The following VAV3 variants were observed in gnomAD, a reference collection of about 807,000 sequenced individuals.
VAV3 encodes vav guanine nucleotide exchange factor 3.
VAV3 carries 94 observed loss-of-function variants against 131.2 expected under a neutral mutation model. That is an observed-to-expected ratio of 0.72 (90% CI 0.61 to 0.85). The LOEUF is 0.85. Among genes scored for constraint, VAV3 ranks in the 40% least tolerant of loss-of-function variants. The probability of loss-of-function intolerance (pLI) is 0.00; values close to 1 mark genes in which losing one functional copy is unlikely to be tolerated. For synonymous variants in VAV3, 349 were observed against 342.0 expected (o/e 1.02, Z -0.22); for missense variants, 939 against 1,002.7 (o/e 0.94, Z 0.86).
At chr1:107,827,697 G>A (rs943394719) in intron 2 of VAV3, among the ~76,000 whole-genome samples, 14 of 152,080 alleles carry the variant, frequency 9.2e-5, no homozygotes, top group Admixed American at 3.3e-4. Context: ...TGAAGTTCCT[G>A]GATTAGGTTT....
At chr1:107,666,998 C>G (rs1657456548) in intron 19 of VAV3, among the ~76,000 whole-genome samples, 1 of 152,142 alleles carries the variant, frequency 6.6e-6, no homozygotes, top group South Asian at 2.1e-4. Context: ...CATGTAAGAG[C>G]CAGCAGCTTG....
At chr1:107,600,925 C>T (rs530835462) in intron 24 of VAV3, among the ~76,000 whole-genome samples, 1 of 152,334 alleles carries the variant, frequency 6.6e-6, no homozygotes, top group African/African-American at 2.4e-5. Context: ...TTTGGCTCTG[C>T]AGCAGTTTTT....
intron 24 of VAV3, among the ~76,000 whole-genome samples, chr1:107,599,635 A>C (rs1199591764): frequency 1.3e-5 from 2 of 152,080 alleles, no homozygotes; most frequent in Non-Finnish European, 2.9e-5. Flanking sequence ...AGAAAGACAA[A>C]GATTCTGATT....
At chr1:107,621,975 T>A (rs1653642113) in intron 20 of VAV3, among the ~76,000 whole-genome samples, 1 of 152,152 alleles carries the variant, frequency 6.6e-6, no homozygotes, top group Admixed American at 6.6e-5. Context: ...TGAGAAAATA[T>A]CTTATGGGTA....
Position 107,583,297 on chromosome 1 carries a change from A to T in VAV3, c.2351-9099T>A, listed in dbSNP as rs562630244. Among the ~76,000 whole-genome samples the T allele has an allele frequency of 3.9e-5, 6 of 152,360 alleles. No individual in the cohort carries two copies. The South Asian group carries it at 1.0e-3, about 26-fold the overall frequency. Reference sequence around the variant, plus strand: ...GCTATCTGTGACAAACCCACAGCCAAGATCATACTGAATGCGAAAAAACTG... The same window carrying T: ...GCTATCTGTGACAAACCCACAGCCATGATCATACTGAATGCGAAAAAACTG... On this transcript the variant is annotated intron_variant, in intron 25 of 26. Transcript: ENST00000370056.
At chr1:107,650,711 C>G (rs1372495306) in intron 19 of VAV3, among the ~76,000 whole-genome samples, 49 of 111,926 alleles carry the variant, frequency 4.4e-4, no homozygotes, top group African/African-American at 1.5e-3. Flanking sequence ...CCTCCCCCCC[C>G]TCCCCCCACC....
chr1:107,816,929 T>C lies in VAV3; in HGVS notation c.322-37437A>G, dbSNP rs530521727. ...TGATCATTGGTAGGCAAAAGCATCA[T>C]TGAACACGGCCAGAGTCTTGGCTTT... is the stretch of plus-strand genomic sequence containing the variant. On this transcript the variant is annotated intron_variant, in intron 2 of 26. Transcript: ENST00000370056. Among the ~76,000 whole-genome samples the C allele has an allele frequency of 4.6e-5, 7 of 152,350 alleles. No homozygotes were observed. The South Asian group carries it at 1.2e-3, about 27-fold the overall frequency.
chr1:107,962,422 A>G (rs1675137575), intron 1 of VAV3, among the ~76,000 whole-genome samples: 1 of 152,256 alleles, frequency 6.6e-6, no homozygotes, highest in South Asian at 2.1e-4. Context: ...TCTTAATATA[A>G]CAATAGCAGA....
chr1:107,704,738 A>G, intron 16 of VAV3, 88 bp from the exon 17 acceptor site: 1 of 1,160,478 alleles, frequency 8.6e-7, no homozygotes, highest in Admixed American at 1.9e-5. Flanking sequence ...AAAAAGTATC[A>G]ACAGTGCTCT....
At chr1:107,630,394 T>C (rs1182584922) in intron 20 of VAV3, among the ~76,000 whole-genome samples, 2 of 116,004 alleles carry the variant, frequency 1.7e-5, no homozygotes, top group Non-Finnish European at 3.9e-5. Context: ...AGCCACTATT[T>C]AATGGGCACT....
chr1:107,761,271 T>C (rs1664402672), intron 9 of VAV3, among the ~76,000 whole-genome samples: 1 of 151,566 alleles, frequency 6.6e-6, no homozygotes, highest in South Asian at 2.1e-4. Context: ...CAGGTGCCTG[T>C]AGTCCCAGCT....
At chr1:107,806,179 C>A (rs1473836707) in intron 2 of VAV3, among the ~76,000 whole-genome samples, 1 of 152,120 alleles carries the variant, frequency 6.6e-6, no homozygotes, top group Non-Finnish European at 1.5e-5. Flanking sequence ...TGGGTTTAGG[C>A]AGGGCAGGTC....
At chr1:107,838,849 AG>A (rs1668578952) in intron 2 of VAV3, among the ~76,000 whole-genome samples, 1 of 152,334 alleles carries the variant, frequency 6.6e-6, no homozygotes, top group Admixed American at 6.5e-5. Context: ...ACACAGAAAC[AG>A]AAAATCAAAT....
At chr1:107,901,408 G>C (rs1671850743) in intron 1 of VAV3, among the ~76,000 whole-genome samples, 2 of 152,202 alleles carry the variant, frequency 1.3e-5, no homozygotes, top group African/African-American at 4.8e-5. Context: ...TCAAATTACT[G>C]TGTAGTTTTA....
chr1:107,815,111 A>C (rs1667509705), intron 2 of VAV3, among the ~76,000 whole-genome samples: 1 of 152,226 alleles, frequency 6.6e-6, no homozygotes, highest in Admixed American at 6.5e-5. Flanking sequence ...TAGATGCTGC[A>C]GTATCTGTCG....
intron 22 of VAV3, among the ~76,000 whole-genome samples, chr1:107,605,943 G>C (rs1158111332): frequency 6.6e-6 from 1 of 152,120 alleles, no homozygotes; most frequent in African/African-American, 2.4e-5. Flanking sequence ...TAATCTACCT[G>C]TTAATTTTCT....
chr1:107,798,536 G>A (rs1220078303), intron 2 of VAV3, among the ~76,000 whole-genome samples: 1 of 151,896 alleles, frequency 6.6e-6, no homozygotes, highest in African/African-American at 2.4e-5. Context: ...GGCTAACACA[G>A]TGTAAACCTC....
chr1:107,807,263 T>C (rs1483692875), intron 2 of VAV3, among the ~76,000 whole-genome samples: 2 of 152,208 alleles, frequency 1.3e-5, no homozygotes, highest in Admixed American at 6.5e-5. Context: ...AAAATAGATA[T>C]TTGAAAGAGT....
At position 107,571,331 on chromosome 1, in the gene VAV3, A is replaced by G. The variant is rs1421600166; in HGVS notation, c.*2000T>C. 1.3e-5 allele frequency: 2 copies of G among 152,666 alleles called. No homozygotes were observed. Among genetic ancestry groups the G allele is most frequent in the Non-Finnish European group, 2.9e-5 (2 of 68,038 alleles). The allele number at this position is 152,666 out of a possible 1,614,324, so 9.5% of individuals were successfully genotyped here. ...ACTCTACACAAATCTGCAGCATTTA[A>G]ATTTTCCAAAACAAAGTATTAAACG... On this transcript the variant is annotated 3_prime_UTR_variant, in exon 27 of 27. Transcript: ENST00000370056.
Sources: gnomAD v4.1 joint callset for allele counts (sites outside exome capture counted in the v4.1 genomes callset) on GRCh38, gnomAD v4.1.1 for gene constraint, MANE v1.5 for transcripts, NCBI Gene and HGNC (gene_info 2026-07-23, HGNC 2026-07-21) for gene names.